FCSK: variants seen among roughly 807,000 people sequenced by gnomAD.
The protein encoded by FCSK is L-fucose kinase.
A neutral mutation model predicts 122.5 loss-of-function variants in FCSK; 123 were observed. The ratio of observed to expected loss-of-function variants is 1.00; its 90% CI spans 0.87 to 1.17. The LOEUF (loss-of-function observed/expected upper bound fraction) is 1.17, where lower values mean the gene tolerates loss of function less well. FCSK is among the 50% of genes most tolerant of loss of function. The pLI is 0.00. For missense variants in FCSK, 1,366 were observed against 1,450.4 expected (o/e 0.94, Z 0.95); for synonymous variants, 620 against 625.5 (o/e 0.99, Z 0.13).
intron 1 of FCSK, 118 bp from the exon 2 acceptor site, chr16:70,463,051 T>C (rs2048316686): frequency 3.3e-6 from 2 of 601,206 alleles, no homozygotes; most frequent in African/African-American, 3.7e-5. Context: ...TGAGTGTAGA[T>C]GGTGATACCA....
intron 1 of FCSK, among the ~76,000 whole-genome samples, chr16:70,457,232 C>A (rs917348451): frequency 6.6e-6 from 1 of 152,082 alleles, no homozygotes; most frequent in African/African-American, 2.4e-5. Flanking sequence ...GGGCTCAGAA[C>A]TTCTGGGCCA....
chr16:70,470,229 C>G (rs1002821960), intron 10 of FCSK, 85 bp from the exon 11 acceptor site: 3 of 862,912 alleles, frequency 3.5e-6, no homozygotes, highest in Admixed American at 1.9e-5. Context: ...CACACCTGCC[C>G]CCATGTGTCT....
Position 70,471,059 on chromosome 16 carries a change from A to G in FCSK, c.1157A>G (p.His386Arg). ...CTGGGTCCTGGGAGCGTCCTGCAGC[A>G]CTGCCACCTGCAGGTGAGGCCTGAG... The part of the protein sequence containing the change: ...VQLGPGSVLQ[H>R]CHLQGPIHIG... Residue 386 changes from histidine (H) to arginine (R), a missense_variant, in exon 12 of 24, where the codon CAC becomes CGC. Transcript: ENST00000288078. 1.2e-6 allele frequency: 2 copies of G among 1,601,524 alleles called. No individual in the cohort carries two copies. Among genetic ancestry groups the G allele is most frequent in the Non-Finnish European group, 1.7e-6 (2 of 1,176,356 alleles).
Position 70,473,079 on chromosome 16 carries a change from A to G in FCSK, c.1503A>G (p.Gly501=). The change falls in exon 15 of 24, where the codon GGA becomes GGG. Residue 501 remains glycine, a synonymous_variant. Coordinates refer to ENST00000288078, the MANE Select transcript of FCSK (RefSeq NM_145059.3). The surrounding 1 kb of genome is among the most constrained non-coding windows in gnomAD (Gnocchi z 4.9). The stretch of plus-strand genomic sequence containing the variant: ...TGCTCCACCCCTCGAGGGAGCTGGG[A>G]CCCCAGGACCTGCTGTGGATGCTGG... The part of the protein sequence containing the change: ...FPVLHPSREL[G]PQDLLWMLDH... The G allele has an allele frequency of 6.3e-7, 1 of 1,589,828 alleles. No individual in the cohort carries two copies. Among genetic ancestry groups the G allele is most frequent in the Non-Finnish European group, 8.6e-7 (1 of 1,169,154 alleles).
At chr16:70,458,369 A>G (rs1221598352) in intron 1 of FCSK, among the ~76,000 whole-genome samples, 1 of 151,342 alleles carries the variant, frequency 6.6e-6, no homozygotes. Flanking sequence ...CATGCTGGCC[A>G]GGCTGGTCTC....
intron 10 of FCSK, 31 bp from the exon 11 acceptor site, chr16:70,470,283 G>GTCTTTACA: frequency 6.7e-7 from 1 of 1,489,792 alleles, no homozygotes; most frequent in Non-Finnish European, 9.3e-7. Context: ...CAGCAGGCAT[G>GTCTTTACA]GGGTTGGGTT....
chr16:70,457,679 A>G (rs1054550521), intron 1 of FCSK, among the ~76,000 whole-genome samples: 1 of 151,786 alleles, frequency 6.6e-6, no homozygotes, highest in Admixed American at 6.6e-5. Flanking sequence ...GGCTGAAACA[A>G]TGCTTCCGCC....
intron 1 of FCSK, among the ~76,000 whole-genome samples, chr16:70,459,103 G>A (rs928710948): frequency 6.6e-6 from 1 of 151,546 alleles, no homozygotes; most frequent in Non-Finnish European, 1.5e-5. Context: ...TGTGCCTATG[G>A]TCCCAGCTAT....
At chr16:70,464,101 C>T (rs555695067) in intron 3 of FCSK, among the ~76,000 whole-genome samples, 2 of 152,340 alleles carry the variant, frequency 1.3e-5, no homozygotes, top group African/African-American at 4.8e-5. Context: ...TGAGCTGCGG[C>T]TGCCTGCTTT....
chr16:70,468,471 G>A (rs544763484), intron 8 of FCSK, among the ~76,000 whole-genome samples: 2 of 152,164 alleles, frequency 1.3e-5, no homozygotes, highest in South Asian at 2.1e-4. Flanking sequence ...AAACTCAAAC[G>A]AAAAAAGAAA....
rs2048520282 is a variant in FCSK at position 70,468,977 on chromosome 16, G to A, written c.783+9G>A. 2 of 1,612,642 alleles carry A rather than the reference G, an allele frequency of 1.2e-6. No homozygotes were observed. The highest frequency in any genetic ancestry group is 2.7e-5 in the African/African-American group (2 of 75,062). On this transcript the variant is annotated intron_variant, in intron 9 of 23. Coordinates refer to ENST00000288078, the MANE Select transcript of FCSK (RefSeq NM_145059.3). ...GAGCCCGGCCTGTCCAGGTGACTGG[G>A]GGAGGGCAGCTAGGTGGGGCCTGGC...
intron 1 of FCSK, among the ~76,000 whole-genome samples, chr16:70,456,469 G>T (rs2048096892): frequency 6.6e-6 from 1 of 152,138 alleles, no homozygotes; most frequent in African/African-American, 2.4e-5. Context: ...CCTCAGCCTT[G>T]CTTGATTCCC....
In FCSK at chr16:70,464,985, G is replaced by A. The variant is rs1264736469; in HGVS notation, c.235-141G>A. 3.2e-6 allele frequency: 5 copies of A among 1,543,252 alleles called. No individual in the cohort carries two copies. The South Asian group carries it at 4.8e-5, about 15-fold the overall frequency. On this transcript the variant is annotated intron_variant, in intron 3 of 23. Coordinates refer to ENST00000288078, the MANE Select transcript of FCSK (RefSeq NM_145059.3). Reference sequence around the variant, plus strand: ...GACCAGGGCTGCCCCTTGTCTGCCTGTGGCCATTGGTTTGACCTTGCCTTT... The same window carrying A: ...GACCAGGGCTGCCCCTTGTCTGCCTATGGCCATTGGTTTGACCTTGCCTTT...
chr16:70,473,244 T>C lies in FCSK; in HGVS notation c.1668T>C (p.His556=). The change falls in exon 15 of 24, where the codon CAT becomes CAC. Residue 556 remains histidine, a synonymous_variant. Transcript: ENST00000288078. This position sits in a 1 kb window ranked among gnomAD's most constrained non-coding sequence, Gnocchi z 4.9. ...ACCTGTTCTTCCGCCAGGCCCTGCA[T>C]AAGGCGCGGCACGTGCTGGAGGCCC... ...RRDLFFRQAL[H]KARHVLEARQ... The C allele has an allele frequency of 6.5e-7, 1 of 1,534,678 alleles. No homozygotes were observed. The highest frequency in any genetic ancestry group is 8.7e-7 in the Non-Finnish European group (1 of 1,145,370).
intron 4 of FCSK, 82 bp from the exon 5 acceptor site, chr16:70,466,050 G>C (rs1043037448): frequency 6.9e-7 from 1 of 1,453,298 alleles, no homozygotes; most frequent in Admixed American, 2.0e-5. Context: ...CCCTCCACTG[G>C]ATGGCTTTCT....
intron 15 of FCSK, 125 bp from the exon 16 acceptor site, chr16:70,474,003 AT>A (rs761444260): frequency 2.5e-4 from 210 of 832,536 alleles, no homozygotes; most frequent in Non-Finnish European, 3.6e-4. Context: ...TCAAAGATAC[AT>A]TGTGGGCAAA....
Position 70,468,911 on chromosome 16 carries a change from C to T in FCSK, c.726C>T (p.Ser242=). 6.2e-7 allele frequency: 1 copy of T among 1,614,024 alleles called. No homozygotes were observed. The highest frequency in any genetic ancestry group is 8.5e-7 in the Non-Finnish European group (1 of 1,180,026). The change falls in exon 9 of 24, where the codon AGC becomes AGT. Residue 242 remains serine, a synonymous_variant. Transcript: ENST00000288078. ...TAERLLATHV[S]PPLDACTYLG... Reference sequence around the variant, plus strand: ...AGCGCCTCCTAGCCACCCACGTGAGCCCGCCCCTGGATGCCTGCACCTACC... The same window carrying T: ...AGCGCCTCCTAGCCACCCACGTGAGTCCGCCCCTGGATGCCTGCACCTACC...
Position 70,466,231 on chromosome 16 carries a change from T to C in FCSK, c.385T>C (p.Cys129Arg). The C allele has an allele frequency of 6.2e-7, 1 of 1,614,006 alleles. No individual in the cohort carries two copies. Among genetic ancestry groups the C allele is most frequent in the Non-Finnish European group, 8.5e-7 (1 of 1,179,918 alleles). Residue 129 changes from cysteine (C) to arginine (R), a missense_variant, in exon 5 of 24, where the codon TGC becomes CGC. Coordinates refer to ENST00000288078, the MANE Select transcript of FCSK (RefSeq NM_145059.3). Reference sequence around the variant, plus strand: ...GGAAGCCTTGGTCTGCAACCTGGACTGCCTGCTGGACATCATGACCTATCG... The same window carrying C: ...GGAAGCCTTGGTCTGCAACCTGGACCGCCTGCTGGACATCATGACCTATCG... ...PVEALVCNLD[C>R]LLDIMTYRLG...
chr16:70,474,040 G>A (rs781672512), intron 15 of FCSK, 89 bp from the exon 16 acceptor site: 47 of 1,236,988 alleles, frequency 3.8e-5, no homozygotes, highest in South Asian at 5.3e-5. Flanking sequence ...GGGGTCTGGC[G>A]CATTTAGGGA....
Sources: gnomAD v4.1 joint callset for allele counts (sites outside exome capture counted in the v4.1 genomes callset) on GRCh38, gnomAD v4.1.1 for gene constraint, Gnocchi (gnomAD v3.1) non-coding constraint, MANE v1.5 for transcripts, NCBI Gene and HGNC (gene_info 2026-07-23, HGNC 2026-07-21) for gene names.